ERC2: variants seen among roughly 807,000 people sequenced by gnomAD.
ERC2 encodes ERC protein 2.
In ERC2, 42 loss-of-function variants were observed where a neutral mutation model predicts 114.8. The observed-to-expected ratio is 0.37, with a 90% CI of 0.29 to 0.47. The LOEUF is 0.47. ERC2 is among the 20% of genes least tolerant of loss of function. The probability of loss-of-function intolerance (pLI) is 0.99; values close to 1 mark genes in which losing one functional copy is unlikely to be tolerated. For missense variants in ERC2, 939 were observed against 1,150.7 expected (o/e 0.82, Z 2.66); for synonymous variants, 454 against 425.5 (o/e 1.07, Z -0.82).
At chr3:56,168,683 T>C (rs1242822649) in intron 4 of ERC2, among the ~76,000 whole-genome samples, 1 of 152,196 alleles carries the variant, frequency 6.6e-6, no homozygotes, top group Non-Finnish European at 1.5e-5. Context: ...TACATCCCTT[T>C]CATATTCTGT....
chr3:55,545,098 C>A (rs1376451806), intron 17 of ERC2, among the ~76,000 whole-genome samples: 2 of 152,216 alleles, frequency 1.3e-5, no homozygotes, highest in Admixed American at 1.3e-4. Context: ...CAAAAGACTT[C>A]TCTCCCATCT....
intron 17 of ERC2, among the ~76,000 whole-genome samples, chr3:55,555,418 A>G (rs2055534192): frequency 6.6e-6 from 1 of 152,208 alleles, no homozygotes; most frequent in South Asian, 2.1e-4. Context: ...TCTCCTCATC[A>G]TGGCCAACTC....
At chr3:55,552,624 G>T (rs887131611) in intron 17 of ERC2, among the ~76,000 whole-genome samples, 2 of 143,804 alleles carry the variant, frequency 1.4e-5, no homozygotes, top group African/African-American at 5.1e-5. Flanking sequence ...CCCAACCAGA[G>T]AATTTGGAAA....
At chr3:55,653,453 A>G (rs1178235173) in intron 17 of ERC2, among the ~76,000 whole-genome samples, 1 of 152,244 alleles carries the variant, frequency 6.6e-6, no homozygotes, top group Non-Finnish European at 1.5e-5. Context: ...TCAAAAGAGC[A>G]CCACAAAGCA....
At chr3:55,682,538 T>G (rs1339724494) in intron 17 of ERC2, among the ~76,000 whole-genome samples, 2 of 151,824 alleles carry the variant, frequency 1.3e-5, no homozygotes, top group Admixed American at 1.3e-4. Context: ...AACTAAGAAG[T>G]AAAACACAAC....
At chr3:55,554,559 C>A (rs1324739914) in intron 17 of ERC2, among the ~76,000 whole-genome samples, 1 of 152,222 alleles carries the variant, frequency 6.6e-6, no homozygotes, top group East Asian at 1.9e-4. Context: ...ATACCCTCTC[C>A]TGGGGTGTGG....
At position 55,536,049 on chromosome 3, in the gene ERC2, A is replaced by G. The variant is rs143545483; in HGVS notation, c.*40-24773T>C. On this transcript the variant is annotated intron_variant, in intron 17 of 17. Coordinates refer to ENST00000288221, the MANE Select transcript of ERC2 (RefSeq NM_015576.3). The stretch of plus-strand genomic sequence containing the variant: ...AAAAAACAATAGTTTTAAGTCTCAA[A>G]TTCTAATCCCATTGTCTCTGATGTG... Among the ~76,000 whole-genome samples, 40 of 152,332 alleles carry G rather than the reference A, an allele frequency of 2.6e-4. No individual in the cohort carries two copies. The Middle Eastern group carries it at 0.01, about 39-fold the overall frequency.
intron 14 of ERC2, among the ~76,000 whole-genome samples, chr3:55,799,224 T>C (rs1013705028): frequency 2.0e-5 from 3 of 152,010 alleles, no homozygotes; most frequent in East Asian, 1.9e-4. Flanking sequence ...GTGGACTAAC[T>C]GGCTACCTAG....
At chr3:56,358,663 G>A (rs2058834046) in intron 2 of ERC2, among the ~76,000 whole-genome samples, 1 of 152,246 alleles carries the variant, frequency 6.6e-6, no homozygotes, top group Admixed American at 6.5e-5. Flanking sequence ...CCTAAAGCCA[G>A]ATTCCTCAGT....
At chr3:56,399,388 A>T (rs531350495) in intron 2 of ERC2, among the ~76,000 whole-genome samples, 1 of 152,218 alleles carries the variant, frequency 6.6e-6, no homozygotes, top group Non-Finnish European at 1.5e-5. Flanking sequence ...TAAGCACTCA[A>T]AACACCTTTG....
At chr3:56,166,940 C>T (rs1356395996) in intron 4 of ERC2, among the ~76,000 whole-genome samples, 1 of 152,022 alleles carries the variant, frequency 6.6e-6, no homozygotes, top group East Asian at 1.9e-4. Flanking sequence ...TCTTTTTCTA[C>T]TGGTTTAATG....
chr3:55,801,325 G>A (rs2071028911), intron 14 of ERC2, among the ~76,000 whole-genome samples: 1 of 152,140 alleles, frequency 6.6e-6, no homozygotes, highest in East Asian at 1.9e-4. Flanking sequence ...TAACTGTTTG[G>A]AAGCACCTGA....
chr3:56,121,561 C>T (rs1266207313), intron 6 of ERC2, among the ~76,000 whole-genome samples: 2 of 152,108 alleles, frequency 1.3e-5, no homozygotes, highest in Non-Finnish European at 2.9e-5. Flanking sequence ...TGCTCCAACT[C>T]TCAAAGATTA....
At chr3:55,759,296 T>A (rs1161355957) in intron 14 of ERC2, among the ~76,000 whole-genome samples, 1 of 152,044 alleles carries the variant, frequency 6.6e-6, no homozygotes, top group Non-Finnish European at 1.5e-5. Flanking sequence ...AAAAAACAGC[T>A]TTCTAGATTC....
At chr3:56,197,516 T>C (rs2048178112) in intron 3 of ERC2, among the ~76,000 whole-genome samples, 1 of 152,158 alleles carries the variant, frequency 6.6e-6, no homozygotes, top group African/African-American at 2.4e-5. Context: ...GGAAATATAG[T>C]CCAGTTGTGT....
At chr3:56,453,119 C>G (rs1177851318) in intron 1 of ERC2, among the ~76,000 whole-genome samples, 2 of 152,218 alleles carry the variant, frequency 1.3e-5, no homozygotes, top group South Asian at 2.1e-4. Context: ...TATTCACCAT[C>G]CCCCTAGCCT....
At chr3:55,552,942 C>T (rs769655939) in intron 17 of ERC2, among the ~76,000 whole-genome samples, 9 of 148,992 alleles carry the variant, frequency 6.0e-5, no homozygotes, top group Non-Finnish European at 1.3e-4. Flanking sequence ...ATTCTTCTAC[C>T]TTACTCTCAT....
At chr3:55,839,980 A>G (rs1234196027) in intron 14 of ERC2, among the ~76,000 whole-genome samples, 1 of 152,068 alleles carries the variant, frequency 6.6e-6, no homozygotes, top group Non-Finnish European at 1.5e-5. Flanking sequence ...TAGGAAAAAA[A>G]GTAAAAAGCT....
intron 1 of ERC2, among the ~76,000 whole-genome samples, chr3:56,444,987 G>A (rs1188806595): frequency 1.3e-5 from 2 of 152,224 alleles, no homozygotes; most frequent in Admixed American, 6.5e-5. Flanking sequence ...GTTACCTGCA[G>A]ATGTGCTGTG....
Sources: allele counts gnomAD v4.1 joint callset (sites outside exome capture counted in the v4.1 genomes callset), GRCh38; gene constraint gnomAD v4.1.1; transcripts MANE v1.5; gene names NCBI Gene and HGNC (gene_info 2026-07-23, HGNC 2026-07-21).